The following ZCCHC7 variants were observed in gnomAD, a reference collection of about 807,000 sequenced individuals.
ZCCHC7 encodes the protein zinc finger CCHC domain-containing protein 7.
A neutral mutation model predicts 52.0 loss-of-function variants in ZCCHC7; 35 were observed. The observed-to-expected ratio is 0.67, with a 90% CI of 0.51 to 0.89. ZCCHC7 has a LOEUF of 0.89. ZCCHC7 is among the 40% of genes least tolerant of loss of function. ZCCHC7 has a pLI of 0.00. For missense variants in ZCCHC7, 574 were observed against 649.1 expected (o/e 0.88, Z 1.26); for synonymous variants, 217 against 221.5 (o/e 0.98, Z 0.18).
intron 2 of ZCCHC7, among the ~76,000 whole-genome samples, chr9:37,189,817 A>AGT (rs1357495390): frequency 6.6e-6 from 1 of 152,184 alleles, no homozygotes; most frequent in Non-Finnish European, 1.5e-5. Context: ...AGAACTGTCC[A>AGT]GTGTGTGTGC....
At chr9:37,282,872 CTTTTTTT>C (rs58619243) in intron 2 of ZCCHC7, among the ~76,000 whole-genome samples, 1 of 78,134 alleles carries the variant, frequency 1.3e-5, no homozygotes, top group Non-Finnish European at 2.4e-5. Flanking sequence ...AGACCTGAAT[CTTTTTTT>C]TTTTTTTTTT....
intron 2 of ZCCHC7, among the ~76,000 whole-genome samples, chr9:37,156,282 T>TG (rs1475619646): frequency 6.6e-6 from 1 of 152,258 alleles, no homozygotes; most frequent in Non-Finnish European, 1.5e-5. Context: ...TTTCTCCAGA[T>TG]GCGTGAATTG....
intron 2 of ZCCHC7, among the ~76,000 whole-genome samples, chr9:37,269,640 A>AAAAAAAAAAAAAAT (rs1827302563): frequency 6.7e-6 from 1 of 148,620 alleles, no homozygotes; most frequent in Non-Finnish European, 1.5e-5. Flanking sequence ...AAAAAAAAAA[A>AAAAAAAAAAAAAAT]AAAAAACAAA....
intron 2 of ZCCHC7, among the ~76,000 whole-genome samples, chr9:37,197,015 ATG>A (rs1266870618): frequency 3.3e-5 from 5 of 152,164 alleles, no homozygotes; most frequent in Non-Finnish European, 7.3e-5. Context: ...ACATTTGAGT[ATG>A]TGTTGAGTTC....
intron 2 of ZCCHC7, among the ~76,000 whole-genome samples, chr9:37,210,984 C>CT (rs1824184656): frequency 6.6e-6 from 1 of 152,170 alleles, no homozygotes. Context: ...TAAACATTTT[C>CT]TTGTGGCTTT....
chr9:37,307,690 A>T (rs1421392834), intron 5 of ZCCHC7, among the ~76,000 whole-genome samples: 3 of 152,138 alleles, frequency 2.0e-5, no homozygotes, highest in Non-Finnish European at 4.4e-5. Flanking sequence ...CTTTTGCTCA[A>T]TAAATTAGTA....
chr9:37,146,114 C>CA (rs1479482606), intron 2 of ZCCHC7, among the ~76,000 whole-genome samples: 3 of 151,862 alleles, frequency 2.0e-5, no homozygotes, highest in African/African-American at 4.8e-5. Flanking sequence ...TCATTTATCT[C>CA]AGAGTTTTTG....
chr9:37,311,353 A>G lies in ZCCHC7; in HGVS notation c.951+5639A>G, dbSNP rs180771521. On this transcript the variant is annotated intron_variant, in intron 5 of 8. Coordinates refer to ENST00000336755, the MANE Select transcript of ZCCHC7 (RefSeq NM_032226.3). Reference sequence around the variant, plus strand: ...CATGCTAAATAACTGTTAAAGTCTGATTTTTTAATACAGTGGGAGAAAATA... The same window carrying G: ...CATGCTAAATAACTGTTAAAGTCTGGTTTTTTAATACAGTGGGAGAAAATA... 5.3e-5 allele frequency among the ~76,000 whole-genome samples: 8 copies of G among 152,252 alleles called. No homozygotes were observed. In the East Asian group the frequency reaches 1.5e-3, roughly 29 times the overall value.
chr9:37,240,514 A>T (rs1351983198), intron 2 of ZCCHC7, among the ~76,000 whole-genome samples: 1 of 151,950 alleles, frequency 6.6e-6, no homozygotes, highest in Non-Finnish European at 1.5e-5. Context: ...AATTCTGGTA[A>T]GGTATTATGT....
At chr9:37,154,634 A>T (rs1211738312) in intron 2 of ZCCHC7, among the ~76,000 whole-genome samples, 1 of 151,206 alleles carries the variant, frequency 6.6e-6, no homozygotes, top group Non-Finnish European at 1.5e-5. Context: ...GGTGCACACC[A>T]CCATGCCTGG....
intron 6 of ZCCHC7, among the ~76,000 whole-genome samples, chr9:37,338,915 C>T (rs942584897): frequency 9.2e-5 from 14 of 151,998 alleles, no homozygotes; most frequent in African/African-American, 3.1e-4. Context: ...GATGTAATCA[C>T]CCGATAGACT....
chr9:37,254,837 C>CTTTTTTTCT (rs1554719697), intron 2 of ZCCHC7, among the ~76,000 whole-genome samples: 4 of 93,462 alleles, frequency 4.3e-5, no homozygotes, highest in African/African-American at 1.6e-4. Context: ...CAAAAAGTTT[C>CTTTTTTTCT]TTTTTTTTTT....
intron 2 of ZCCHC7, among the ~76,000 whole-genome samples, chr9:37,184,224 C>T (rs1015416538): frequency 2.0e-4 from 30 of 152,002 alleles, no homozygotes; most frequent in African/African-American, 7.3e-4. Context: ...TATGGAGCAA[C>T]GTAATATGTG....
At chr9:37,205,735 C>G (rs971483924) in intron 2 of ZCCHC7, among the ~76,000 whole-genome samples, 1 of 152,220 alleles carries the variant, frequency 6.6e-6, no homozygotes, top group Non-Finnish European at 1.5e-5. Context: ...TCAGGCTGAT[C>G]TCGAACTCCT....
At chr9:37,325,296 A>G (rs1292519337) in intron 5 of ZCCHC7, among the ~76,000 whole-genome samples, 2 of 152,238 alleles carry the variant, frequency 1.3e-5, no homozygotes, top group African/African-American at 4.8e-5. Flanking sequence ...TCTAAGTACC[A>G]GTAAGGTGAG....
intron 2 of ZCCHC7, among the ~76,000 whole-genome samples, chr9:37,223,186 T>C (rs1479268078): frequency 6.6e-6 from 1 of 152,142 alleles, no homozygotes; most frequent in Non-Finnish European, 1.5e-5. Flanking sequence ...AATAGATACT[T>C]GTATTTGAAT....
intron 5 of ZCCHC7, among the ~76,000 whole-genome samples, chr9:37,311,087 TAGAA>T (rs1829579521): frequency 6.6e-6 from 1 of 151,912 alleles, no homozygotes; most frequent in Non-Finnish European, 1.5e-5. Flanking sequence ...GAAAGCAGTA[TAGAA>T]TGTTGATTTT....
At chr9:37,148,429 G>A (rs933586886) in intron 2 of ZCCHC7, among the ~76,000 whole-genome samples, 1 of 152,108 alleles carries the variant, frequency 6.6e-6, no homozygotes, top group African/African-American at 2.4e-5. Flanking sequence ...ATGTTTAGAG[G>A]AACAACAGAC....
chr9:37,339,062 T>G (rs751287189), intron 6 of ZCCHC7, among the ~76,000 whole-genome samples: 17 of 152,314 alleles, frequency 1.1e-4, no homozygotes, highest in Non-Finnish European at 1.8e-4. Context: ...CATAAAAGTA[T>G]TATGTATATA....
Sources: allele counts gnomAD v4.1 joint callset (sites outside exome capture counted in the v4.1 genomes callset), GRCh38; gene constraint gnomAD v4.1.1; transcripts MANE v1.5; gene names NCBI Gene and HGNC (gene_info 2026-07-23, HGNC 2026-07-21).